The following GRM7 variants were observed in gnomAD, a reference collection of about 807,000 sequenced individuals.
GRM7 encodes metabotropic glutamate receptor 7.
A neutral mutation model predicts 84.5 loss-of-function variants in GRM7; 35 were observed. That is an observed-to-expected ratio of 0.41 (90% confidence interval 0.32 to 0.55). The LOEUF is 0.55. Among genes scored for constraint, GRM7 ranks in the 20% least tolerant of loss-of-function variants. The probability of loss-of-function intolerance (pLI) is 0.19; values close to 1 mark genes in which losing one functional copy is unlikely to be tolerated. For synonymous variants in GRM7, 487 were observed against 455.1 expected (o/e 1.07, Z -0.89); for missense variants, 1,003 against 1,194.6 (o/e 0.84, Z 2.36).
At position 7,722,426 on chromosome 3, in the gene GRM7, T is replaced by G. The variant is rs78332235; in HGVS notation, c.2699-17931T>G. Among the ~76,000 whole-genome samples the G allele has an allele frequency of 2.8e-3, 414 of 148,892 alleles. 3 individuals are homozygous for G. The highest frequency in any genetic ancestry group is 9.8e-3 in the African/African-American group (392 of 40,202). ...AGTAACTTGGCCAGGGTCATACAGC[T>G]GAATGGTGACAATCCTTGTGTCTTT... On this transcript the variant is annotated intron_variant, in intron 9 of 9. Coordinates refer to ENST00000357716, the MANE Select transcript of GRM7 (RefSeq NM_000844.4).
intron 2 of GRM7, among the ~76,000 whole-genome samples, chr3:7,159,122 T>C (rs1399071480): frequency 3.3e-5 from 5 of 152,148 alleles, no homozygotes; most frequent in Non-Finnish European, 7.4e-5. Flanking sequence ...ATTAGTTATG[T>C]GTGTGTGAGA....
chr3:7,685,148 T>C (rs919271389), intron 9 of GRM7, among the ~76,000 whole-genome samples: 8 of 152,182 alleles, frequency 5.3e-5, no homozygotes, highest in East Asian at 3.9e-4. Context: ...ATGACGATCC[T>C]TTTCAAGTTG....
intron 1 of GRM7, among the ~76,000 whole-genome samples, chr3:6,910,110 A>T (rs1516566): frequency 0.074 from 11,214 of 152,130 alleles, 565 homozygotes; most frequent in Non-Finnish European, 0.11. Context: ...ATAATTAAAA[A>T]CTGGCATCAT....
chr3:7,060,401 G>A (rs765137062), intron 1 of GRM7, among the ~76,000 whole-genome samples: 1 of 151,712 alleles, frequency 6.6e-6, no homozygotes, highest in Non-Finnish European at 1.5e-5. Flanking sequence ...GGGCAGAAAT[G>A]TTACACCATT....
At chr3:6,867,129 A>AT (rs1694963373) in intron 1 of GRM7, among the ~76,000 whole-genome samples, 1 of 152,136 alleles carries the variant, frequency 6.6e-6, no homozygotes, top group East Asian at 1.9e-4. Flanking sequence ...AGGACGTGTT[A>AT]TTTTTTGAAA....
chr3:7,454,910 C>T (rs1195199233), intron 6 of GRM7, among the ~76,000 whole-genome samples: 1 of 152,074 alleles, frequency 6.6e-6, no homozygotes, highest in Non-Finnish European at 1.5e-5. Flanking sequence ...ACATGTAGCA[C>T]ACATATCTTA....
At chr3:7,580,592 T>C (rs941171857) in intron 8 of GRM7, among the ~76,000 whole-genome samples, 13 of 152,196 alleles carry the variant, frequency 8.5e-5, no homozygotes. Flanking sequence ...CTAAATTGTG[T>C]AATTCAGAGG....
intron 1 of GRM7, among the ~76,000 whole-genome samples, chr3:6,967,354 A>C (rs1385511404): frequency 6.6e-6 from 1 of 151,982 alleles, no homozygotes; most frequent in East Asian, 1.9e-4. Flanking sequence ...CACCAAGCCT[A>C]GCTACTCCTT....
chr3:6,876,256 AG>A (rs1435075164), intron 1 of GRM7, among the ~76,000 whole-genome samples: 1 of 151,610 alleles, frequency 6.6e-6, no homozygotes, highest in African/African-American at 2.4e-5. Flanking sequence ...TGACAGAGCG[AG>A]GCTCCATCTC....
intron 1 of GRM7, among the ~76,000 whole-genome samples, chr3:7,088,317 G>A (rs139851912): frequency 1.1e-3 from 172 of 152,184 alleles, no homozygotes; most frequent in Non-Finnish European, 2.1e-3. Context: ...GTAAAAAGGG[G>A]CAATGAACTC....
At chr3:7,568,014 A>G (rs952207164) in intron 7 of GRM7, among the ~76,000 whole-genome samples, 1 of 152,126 alleles carries the variant, frequency 6.6e-6, no homozygotes, top group Non-Finnish European at 1.5e-5. Flanking sequence ...TAGTTTATAT[A>G]GGGAACCAAA....
intron 9 of GRM7, among the ~76,000 whole-genome samples, chr3:7,715,563 T>C (rs994190822): frequency 1.3e-5 from 2 of 152,224 alleles, no homozygotes; most frequent in African/African-American, 4.8e-5. Context: ...ACTAAGTGTC[T>C]GTGTTTACTA....
intron 1 of GRM7, among the ~76,000 whole-genome samples, chr3:6,870,199 A>G (rs1268160223): frequency 1.3e-5 from 2 of 152,174 alleles, no homozygotes; most frequent in Non-Finnish European, 2.9e-5. Flanking sequence ...CTTGCTGAAG[A>G]TGGTCGGGTT....
At chr3:7,219,808 A>G (rs1231048527) in intron 2 of GRM7, among the ~76,000 whole-genome samples, 1 of 152,174 alleles carries the variant, frequency 6.6e-6, no homozygotes, top group Non-Finnish European at 1.5e-5. Flanking sequence ...CTCCTTGAAG[A>G]GCTCCTTGAA....
chr3:7,023,087 C>T (rs1309927716), intron 1 of GRM7, among the ~76,000 whole-genome samples: 3 of 151,924 alleles, frequency 2.0e-5, no homozygotes, highest in African/African-American at 7.3e-5. Flanking sequence ...ATGGTGGAGT[C>T]GCACAGGAAC....
chr3:7,137,250 G>T (rs1693801438), intron 1 of GRM7, among the ~76,000 whole-genome samples: 2 of 151,944 alleles, frequency 1.3e-5, no homozygotes, highest in South Asian at 4.1e-4. Flanking sequence ...TAGAGTTACA[G>T]GAATTCTTAG....
At chr3:7,113,724 A>G (rs1692937137) in intron 1 of GRM7, among the ~76,000 whole-genome samples, 1 of 152,160 alleles carries the variant, frequency 6.6e-6, no homozygotes, top group African/African-American at 2.4e-5. Flanking sequence ...AGTAGATGGT[A>G]TAAGATGTGA....
intron 7 of GRM7, among the ~76,000 whole-genome samples, chr3:7,512,883 G>A (rs1253259922): frequency 6.6e-6 from 1 of 152,138 alleles, no homozygotes; most frequent in African/African-American, 2.4e-5. Flanking sequence ...TCTTTCCCCT[G>A]CCCAGACACC....
chr3:7,709,383 G>A (rs1339433815), intron 9 of GRM7, among the ~76,000 whole-genome samples: 1 of 152,168 alleles, frequency 6.6e-6, no homozygotes, highest in Non-Finnish European at 1.5e-5. Flanking sequence ...GTGAAGGAAA[G>A]AGCCCAGCAT....
Sources: gnomAD v4.1 joint callset for allele counts (sites outside exome capture counted in the v4.1 genomes callset) on GRCh38, gnomAD v4.1.1 for gene constraint, MANE v1.5 for transcripts, NCBI Gene and HGNC (gene_info 2026-07-23, HGNC 2026-07-21) for gene names.